IGSF9B: variants seen among roughly 807,000 people sequenced by gnomAD.
IGSF9B encodes the protein immunoglobulin superfamily member 9B.
In IGSF9B, 48 loss-of-function variants were observed where a neutral mutation model predicts 143.7. The ratio of observed to expected loss-of-function variants is 0.33; its 90% CI spans 0.26 to 0.42. The LOEUF (loss-of-function observed/expected upper bound fraction) is 0.42. Ranked by LOEUF, IGSF9B falls within the 20% of genes least tolerant of loss-of-function variation. The pLI is 1.00. For synonymous variants in IGSF9B, 903 were observed against 833.1 expected, an observed-to-expected ratio of 1.08 and a Z score of -1.44; for missense variants, 1,706 against 1,980.0, an observed-to-expected ratio of 0.86 and a Z score of 2.63.
Position 133,897,370 on chromosome 11 carries a change from GCACA to G in IGSF9B, c.*11695_*11698del, listed in dbSNP as rs1417583348. ...CTCTCTTGCGTGCACACACGCACAC[GCACA>G]CACACGCACAGGTATGCACACATAT... On this transcript the variant is annotated 3_prime_UTR_variant, in exon 20 of 20. Transcript: ENST00000533871. The G allele has an allele frequency of 2.0e-5, 3 of 150,664 alleles. No individual in the cohort carries two copies. Among genetic ancestry groups the G allele is most frequent in the Non-Finnish European group, 3.0e-5 (2 of 67,140 alleles). The allele number at this position is 150,664 out of a possible 1,614,324, so 9.3% of individuals were successfully genotyped here. A position where few individuals can be genotyped will look rare whatever the true frequency, so the allele number is the denominator to read the frequency against.
intron 19 of IGSF9B, among the ~76,000 whole-genome samples, chr11:133,911,469 A>G (rs1939300566): frequency 6.6e-6 from 1 of 152,206 alleles, no homozygotes; most frequent in Non-Finnish European, 1.5e-5. Flanking sequence ...AGATAGAGTT[A>G]TGTGCAAGGT....
chr11:133,922,601 T>C lies in IGSF9B; in HGVS notation c.2249A>G (p.Lys750Arg). The C allele has an allele frequency of 6.2e-7, 1 of 1,611,446 alleles. No individual in the cohort carries two copies. Among genetic ancestry groups the C allele is most frequent in the Non-Finnish European group, 8.5e-7 (1 of 1,178,904 alleles). Residue 750 changes from lysine (K) to arginine (R), a missense_variant, in exon 16 of 20, where the codon AAG becomes AGG. Physicochemically the swap from Lys to Arg is conservative, Grantham distance 26. This residue lies in a region of IGSF9B where 135 missense variants were observed against 181.3 expected (regional missense o/e 0.74). Transcript: ENST00000533871. ...GCGCTTGAGCTTACGCTTGCGCTGC[T>C]TGTTGACAAAGCAGGCAGCCAGGGT... ...FSTLAACFVN[K>R]QRKRKLKRKK...
At chr11:133,956,402 C>G (rs1248169639) in intron 1 of IGSF9B, among the ~76,000 whole-genome samples, 2 of 152,054 alleles carry the variant, frequency 1.3e-5, no homozygotes. Context: ...CCGTGGGGCC[C>G]GTGGTGGGCG....
At chr11:133,938,495 G>A (rs1173568169) in intron 3 of IGSF9B, among the ~76,000 whole-genome samples, 3 of 152,112 alleles carry the variant, frequency 2.0e-5, no homozygotes, top group Non-Finnish European at 2.9e-5. Flanking sequence ...GATGAAGGTG[G>A]ACAGCCCACC....
Position 133,908,087 on chromosome 11 carries a change from G to T in IGSF9B, c.*982C>A, listed in dbSNP as rs903960011. On this transcript the variant is annotated 3_prime_UTR_variant, in exon 20 of 20. Coordinates refer to ENST00000533871, the MANE Select transcript of IGSF9B (RefSeq NM_001277285.4). ...GCTTGGCGCTAGCACAGGTGGCTCC[G>T]CAGTGGGGAGACTTTGGCCACAGAG... Among the ~76,000 whole-genome samples, 4 of 152,206 alleles carry T rather than the reference G, an allele frequency of 2.6e-5. No homozygotes were observed. The highest frequency in any genetic ancestry group is 4.8e-5 in the African/African-American group (2 of 41,462).
intron 6 of IGSF9B, 118 bp downstream of exon 6, chr11:133,935,935 C>A: frequency 1.4e-6 from 2 of 1,406,838 alleles, no homozygotes; most frequent in South Asian, 1.4e-5. Flanking sequence ...GACCAGACTG[C>A]CCACCTCCCC....
chr11:133,945,554 G>A lies in IGSF9B; in HGVS notation c.262+507C>T, dbSNP rs1227599874. On this transcript the variant is annotated intron_variant, in intron 2 of 19. Transcript: ENST00000533871. The surrounding 1 kb of genome is among the most constrained non-coding windows in gnomAD (Gnocchi z 4.6). ...AGTCACGAGGCCTTTGCTGGCAGGAGTAACTGCCAAACAGGACACAGACGG... is the reference window on the plus strand; with the variant it reads ...AGTCACGAGGCCTTTGCTGGCAGGAATAACTGCCAAACAGGACACAGACGG... Among the ~76,000 whole-genome samples, 1 of 152,222 alleles carries A rather than the reference G, an allele frequency of 6.6e-6. No homozygotes were observed. Among genetic ancestry groups the A allele is most frequent in the African/African-American group, 2.4e-5 (1 of 41,466 alleles).
intron 18 of IGSF9B, among the ~76,000 whole-genome samples, chr11:133,915,979 C>T (rs1204470225): frequency 2.6e-5 from 4 of 152,212 alleles, no homozygotes; most frequent in Non-Finnish European, 4.4e-5. Context: ...TCTGTGGGGC[C>T]GGACTCAGAC....
In IGSF9B at chr11:133,955,765, C is replaced by G. The variant is rs576781320; in HGVS notation, c.64+926G>C. On this transcript the variant is annotated intron_variant, in intron 1 of 19. Transcript: ENST00000533871. ...TGCCCATCTCCAAAGCAAAAGCCCGCGCGCTCACGCACGCATCACCCAACT... is the reference window on the plus strand; with the variant it reads ...TGCCCATCTCCAAAGCAAAAGCCCGGGCGCTCACGCACGCATCACCCAACT... Among the ~76,000 whole-genome samples, 98 of 152,356 alleles carry G rather than the reference C, an allele frequency of 6.4e-4. 2 individuals carry two copies. The highest frequency in any genetic ancestry group is 5.3e-3 in the Admixed American group (81 of 15,310).
chr11:133,955,568 C>G (rs755953023), intron 1 of IGSF9B, among the ~76,000 whole-genome samples: 4 of 152,214 alleles, frequency 2.6e-5, no homozygotes, highest in Non-Finnish European at 4.4e-5. Context: ...CCACCCACAG[C>G]GGGTTCTCTC....
In IGSF9B at chr11:133,906,559, CGGA is replaced by C. The variant is rs1248017328; in HGVS notation, c.*2507_*2509del. Among the ~76,000 whole-genome samples the C allele has an allele frequency of 2.6e-5, 4 of 152,204 alleles. No homozygotes were observed. The highest frequency in any genetic ancestry group is 5.9e-5 in the Non-Finnish European group (4 of 68,036). The stretch of plus-strand genomic sequence containing the variant: ...AGGTCATGGGCACTGCCAGAGGAAG[CGGA>C]GGAGGAGTCAGCACCTGGGTTAGCA... On this transcript the variant is annotated 3_prime_UTR_variant, in exon 20 of 20. Coordinates refer to ENST00000533871, the MANE Select transcript of IGSF9B (RefSeq NM_001277285.4).
intron 18 of IGSF9B, chr11:133,919,131 G>GGGGGGGCAGT: frequency 2.6e-6 from 1 of 380,798 alleles, no homozygotes; most frequent in South Asian, 1.8e-5. Context: ...GGGGGGGGTG[G>GGGGGGGCAGT]GGGACGTGTC....
Position 133,898,325 on chromosome 11 carries a change from T to C in IGSF9B, c.*10744A>G, listed in dbSNP as rs533784813. ...CGAGAGGTACAGAGTTTGTAAGGGG[T>C]CTGGGGGAGGTAGCCCCTCCCCACC... is the stretch of plus-strand genomic sequence containing the variant. On this transcript the variant is annotated 3_prime_UTR_variant, in exon 20 of 20. Coordinates refer to ENST00000533871, the MANE Select transcript of IGSF9B (RefSeq NM_001277285.4). 6.7e-6 allele frequency: 1 copy of C among 149,270 alleles called. No homozygotes were observed. Among genetic ancestry groups the C allele is most frequent in the South Asian group, 2.1e-4 (1 of 4,714 alleles). 9.2% of individuals were successfully genotyped at this position (149,270 alleles called of 1,614,324 possible).
chr11:133,938,451 A>C (rs1358850305), intron 3 of IGSF9B, among the ~76,000 whole-genome samples: 2 of 152,254 alleles, frequency 1.3e-5, no homozygotes, highest in East Asian at 1.9e-4. Context: ...CTGCTGAGAA[A>C]ATCATCCAGC....
chr11:133,932,102 T>G lies in IGSF9B; in HGVS notation c.1079A>C (p.Asn360Thr). 1 of 1,613,892 alleles carries G rather than the reference T, an allele frequency of 6.2e-7. No individual in the cohort carries two copies. Among genetic ancestry groups the G allele is most frequent in the Non-Finnish European group, 8.5e-7 (1 of 1,179,832 alleles). The part of the protein sequence containing the change: ...AEPPATVVKW[N>T]KDGRPLQVEK... ...AACCTGCAGGGGACGGCCGTCCTTG[T>G]TCCACTTGACCACGGTGGCCGGTGG... is the stretch of plus-strand genomic sequence containing the variant. The change falls in exon 8 of 20, where the codon AAC becomes ACC. Residue 360 changes from asparagine (N) to threonine (T), a missense_variant. Asn to Thr is a moderately conservative substitution (Grantham distance 65). Coordinates refer to ENST00000533871, the MANE Select transcript of IGSF9B (RefSeq NM_001277285.4).
At position 133,920,960 on chromosome 11, in the gene IGSF9B, T is replaced by A; in HGVS notation, c.2765A>T (p.Tyr922Phe). 1 of 1,610,440 alleles carries A rather than the reference T, an allele frequency of 6.2e-7. No homozygotes were observed. The highest frequency in any genetic ancestry group is 1.1e-5 in the South Asian group (1 of 90,986). ...LTPLSSSQES[Y>F]LPPPAYSPRF... The stretch of plus-strand genomic sequence containing the variant: ...AGGGCTGTATGCTGGTGGTGGCAGG[T>A]AGGACTCCTGGCTGGATGACAGAGG... Residue 922 changes from tyrosine to phenylalanine, a missense_variant, in exon 18 of 20, where the codon TAC (tyrosine) becomes TTC (phenylalanine). Tyr to Phe is a conservative substitution (Grantham distance 22, BLOSUM62 3). This residue lies in a region of IGSF9B where 880 missense variants were observed against 762.9 expected (regional missense o/e 1.15). Transcript: ENST00000533871.
At chr11:133,947,056 GA>G (rs933679287) in intron 1 of IGSF9B, among the ~76,000 whole-genome samples, 1 of 152,166 alleles carries the variant, frequency 6.6e-6, no homozygotes, top group African/African-American at 2.4e-5. Flanking sequence ...TTGGGCAGAG[GA>G]AAACGAAATC....
rs1457316216 is a variant in IGSF9B, at chr11:133,920,928, G to C, written c.2797C>G (p.Gln933Glu). Residue 933 changes from glutamine to glutamate, a missense_variant, in exon 18 of 20, where the codon CAG becomes GAG. Gln to Glu is a conservative substitution (Grantham distance 29, BLOSUM62 2). Coordinates refer to ENST00000533871, the MANE Select transcript of IGSF9B (RefSeq NM_001277285.4). Reference sequence around the variant, plus strand: ...CCGGGGCCCTCCAGCCCGCGGGGCTGGAACCGAGGGCTGTATGCTGGTGGT... The same window carrying C: ...CCGGGGCCCTCCAGCCCGCGGGGCTCGAACCGAGGGCTGTATGCTGGTGGT... The part of the protein sequence containing the change: ...LPPPAYSPRF[Q>E]PRGLEGPGGL... The C allele has an allele frequency of 6.2e-7, 1 of 1,610,086 alleles. No individual in the cohort carries two copies. The highest frequency in any genetic ancestry group is 1.7e-5 in the Admixed American group (1 of 59,948).
rs1004475863 is a variant in IGSF9B at position 133,912,329 on chromosome 11, G to A, written c.3984-322C>T. ...TAACGCAAGCTGGGATGCATTTAGT[G>A]TCAGAGACAGAAGTAGGCTGAACGT... On this transcript the variant is annotated intron_variant, in intron 18 of 19. Transcript: ENST00000533871. The A allele has an allele frequency of 2.8e-5, 14 of 508,972 alleles. No homozygotes were observed. The East Asian group carries it at 6.5e-4, about 24-fold the overall frequency. The allele number at this position is 508,972 out of a possible 1,614,324, so 31.5% of individuals were successfully genotyped here. A position where few individuals can be genotyped will look rare whatever the true frequency, so the allele number is the denominator to read the frequency against.
Sources: gnomAD v4.1 joint callset for allele counts (sites outside exome capture counted in the v4.1 genomes callset) on GRCh38, gnomAD v4.1.1 for gene constraint, gnomAD v4.1.1 regional missense constraint, Gnocchi (gnomAD v3.1) non-coding constraint, MANE v1.5 for transcripts, NCBI Gene and HGNC (gene_info 2026-07-23, HGNC 2026-07-21) for gene names.